Variants in NRXN3 observed in about 807,000 individuals in gnomAD.
NRXN3 encodes neurexin III.
NRXN3 carries 32 observed loss-of-function variants against 137.6 expected under a neutral mutation model. The ratio of observed to expected loss-of-function variants is 0.23; its 90% confidence interval spans 0.18 to 0.31. NRXN3 has a LOEUF of 0.31. Among genes scored for constraint, NRXN3 ranks in the 10% least tolerant of loss-of-function variants. The pLI, the probability that NRXN3 is intolerant of heterozygous loss-of-function variation, is 1.00. For synonymous variants in NRXN3, 798 were observed against 784.5 expected, an observed-to-expected ratio of 1.02 and a Z score of -0.29; for missense variants, 1,574 against 2,062.5, an observed-to-expected ratio of 0.76 and a Z score of 4.59.
At chr14:78,594,320 G>T (rs2097141754) in intron 4 of NRXN3, among the ~76,000 whole-genome samples, 1 of 152,206 alleles carries the variant, frequency 6.6e-6, no homozygotes, top group Non-Finnish European at 1.5e-5. Flanking sequence ...ACATGGCAGG[G>T]TCTGGGTGGT....
chr14:79,753,478 C>T (rs1255279831), intron 19 of NRXN3, among the ~76,000 whole-genome samples: 4 of 145,254 alleles, frequency 2.8e-5, no homozygotes, highest in Non-Finnish European at 5.9e-5. Flanking sequence ...GGACAAAAAA[C>T]AAAACACCGC....
Position 78,503,149 on chromosome 14 carries a change from AT to A in NRXN3, c.758-141968del, listed in dbSNP as rs1160159708. On this transcript the variant is annotated intron_variant, in intron 4 of 20. Coordinates refer to ENST00000335750, the MANE Select transcript of NRXN3 (RefSeq NM_001330195.2). The stretch of plus-strand genomic sequence containing the variant: ...AAATGACATTATTTGCAATCTGTTT[AT>A]TTAGTTAGTAGCAAATCCTGGCACA... 7.2e-5 allele frequency among the ~76,000 whole-genome samples: 11 copies of A among 152,286 alleles called. No individual in the cohort carries two copies. The East Asian group carries it at 1.9e-3, about 27-fold the overall frequency.
At chr14:79,331,660 A>G (rs1471582906) in intron 15 of NRXN3, among the ~76,000 whole-genome samples, 1 of 152,194 alleles carries the variant, frequency 6.6e-6, no homozygotes. Flanking sequence ...CGTTAAGATT[A>G]GGAAGTAAAT....
chr14:79,759,249 T>C (rs1222501916), intron 19 of NRXN3, among the ~76,000 whole-genome samples: 1 of 148,010 alleles, frequency 6.8e-6, no homozygotes, highest in Non-Finnish European at 1.5e-5. Context: ...AAGAAGTGGC[T>C]AAGGCTTAAG....
intron 4 of NRXN3, among the ~76,000 whole-genome samples, chr14:78,353,030 T>C (rs936507394): frequency 3.3e-5 from 5 of 152,170 alleles, no homozygotes; most frequent in Non-Finnish European, 7.3e-5. Flanking sequence ...TAAGGATCGA[T>C]CACATTCCCT....
chr14:78,337,591 T>C (rs968189078), intron 4 of NRXN3, among the ~76,000 whole-genome samples: 1 of 152,180 alleles, frequency 6.6e-6, no homozygotes, highest in Admixed American at 6.5e-5. Context: ...TTGGTGGCTA[T>C]GTGCCTGTGC....
At chr14:79,710,173 CA>C (rs1483296595) in intron 19 of NRXN3, among the ~76,000 whole-genome samples, 4 of 151,950 alleles carry the variant, frequency 2.6e-5, no homozygotes, top group Non-Finnish European at 5.9e-5. Context: ...TTTATTTTTG[CA>C]TGTGTTCTTT....
At chr14:79,262,921 C>T (rs2077857881) in intron 15 of NRXN3, among the ~76,000 whole-genome samples, 1 of 152,108 alleles carries the variant, frequency 6.6e-6, no homozygotes, top group African/African-American at 2.4e-5. Context: ...GTGTATCTGA[C>T]TACTGCTGGG....
intron 1 of NRXN3, among the ~76,000 whole-genome samples, chr14:78,181,132 A>G (rs2059769596): frequency 6.6e-6 from 1 of 152,244 alleles, no homozygotes; most frequent in South Asian, 2.1e-4. Context: ...GGTCACACAC[A>G]TGTAATATCC....
At chr14:78,526,236 A>T (rs546351179) in intron 4 of NRXN3, among the ~76,000 whole-genome samples, 1 of 152,378 alleles carries the variant, frequency 6.6e-6, no homozygotes, top group South Asian at 2.1e-4. Context: ...ATCAGAAAGG[A>T]TGCCAGGCCA....
At position 79,467,324 on chromosome 14, in the gene NRXN3, C is replaced by A; in HGVS notation, c.3366C>A (p.Phe1122Leu). The change falls in exon 16 of 21, where the codon TTC (phenylalanine) becomes TTA (leucine). Residue 1122 changes from phenylalanine (F) to leucine (L), a missense_variant. Physicochemically the swap from Phe to Leu is conservative, Grantham distance 22. Around this residue, in one of 5 missense-constraint regions of NRXN3, gnomAD observed 133 missense variants for 241.8 expected, o/e 0.55. Transcript: ENST00000335750. Reference protein sequence around the residue: ...STRSDRLAVGFSTTVKDGILV... With the variant: ...STRSDRLAVGLSTTVKDGILV... ...GGTCTGACCGCCTTGCCGTGGGCTTCAGCACCACTGTGAAGGATGGCATCT... is the reference window on the plus strand; with the variant it reads ...GGTCTGACCGCCTTGCCGTGGGCTTAAGCACCACTGTGAAGGATGGCATCT... The A allele has an allele frequency of 7.4e-6, 12 of 1,613,814 alleles. No homozygotes were observed. Among genetic ancestry groups the A allele is most frequent in the Non-Finnish European group, 1.0e-5 (12 of 1,179,674 alleles).
chr14:78,600,617 G>A (rs1393241765), intron 4 of NRXN3, among the ~76,000 whole-genome samples: 1 of 152,050 alleles, frequency 6.6e-6, no homozygotes, highest in Non-Finnish European at 1.5e-5. Context: ...TGACTCCCTT[G>A]TCTTCCCCCA....
chr14:78,493,786 A>C (rs2095714110), intron 4 of NRXN3, among the ~76,000 whole-genome samples: 1 of 152,172 alleles, frequency 6.6e-6, no homozygotes, highest in African/African-American at 2.4e-5. Flanking sequence ...TACATTCCAA[A>C]GCAGGATAAA....
intron 2 of NRXN3, among the ~76,000 whole-genome samples, chr14:78,265,662 A>G (rs1286869813): frequency 6.6e-6 from 1 of 152,174 alleles, no homozygotes; most frequent in Non-Finnish European, 1.5e-5. Context: ...CTCCCAGTCC[A>G]GGGTACCAGT....
intron 4 of NRXN3, among the ~76,000 whole-genome samples, chr14:78,620,800 A>T (rs191839371): frequency 1.3e-4 from 20 of 152,324 alleles, no homozygotes; most frequent in African/African-American, 4.6e-4. Context: ...TTATATTATT[A>T]TACCTATTTT....
intron 4 of NRXN3, among the ~76,000 whole-genome samples, chr14:78,424,342 C>T (rs1054989412): frequency 1.3e-4 from 20 of 152,176 alleles, no homozygotes; most frequent in African/African-American, 3.6e-4. Flanking sequence ...TGGGCCTTCC[C>T]CTTGATGTCT....
chr14:78,300,574 C>T (rs575355475), intron 4 of NRXN3: 7 of 733,332 alleles, frequency 9.5e-6, no homozygotes, highest in South Asian at 5.1e-5. Flanking sequence ...TGTGTGTTTG[C>T]AGTGTGCTGA....
chr14:79,234,312 A>G (rs1333633474), intron 15 of NRXN3, among the ~76,000 whole-genome samples: 1 of 102,622 alleles, frequency 9.7e-6, no homozygotes, highest in East Asian at 3.6e-4. Context: ...ATATATATAT[A>G]TATATATATA....
intron 15 of NRXN3, among the ~76,000 whole-genome samples, chr14:79,022,251 C>T (rs775565150): frequency 6.6e-6 from 1 of 152,108 alleles, no homozygotes; most frequent in Non-Finnish European, 1.5e-5. Context: ...AGGTTTACTG[C>T]AAGCTTTTGG....
Sources: allele counts gnomAD v4.1 joint callset (sites outside exome capture counted in the v4.1 genomes callset), GRCh38; gene constraint gnomAD v4.1.1; regional missense constraint gnomAD v4.1.1; transcripts MANE v1.5; gene names NCBI Gene and HGNC (gene_info 2026-07-23, HGNC 2026-07-21).